The following PCCA variants were observed in gnomAD, a reference collection of about 807,000 sequenced individuals.
PCCA encodes the protein propionyl-CoA carboxylase subunit alpha.
In PCCA, 74 loss-of-function variants were observed where a neutral mutation model predicts 101.3. That is an observed-to-expected ratio of 0.73 (90% CI 0.61 to 0.89). PCCA has a LOEUF of 0.89. Among genes scored for constraint, PCCA ranks in the 40% least tolerant of loss-of-function variants. PCCA has a pLI of 0.00. For synonymous variants in PCCA, 294 were observed against 313.6 expected (o/e 0.94, Z 0.66); for missense variants, 891 against 907.0 (o/e 0.98, Z 0.23).
At chr13:100,354,114 AATAAT>A (rs1346488195) in intron 18 of PCCA, among the ~76,000 whole-genome samples, 12 of 142,486 alleles carry the variant, frequency 8.4e-5, no homozygotes, top group Non-Finnish European at 1.2e-4. Flanking sequence ...TAATAATAAT[AATAAT>A]AAAATAATTC....
At chr13:100,285,563 A>T (rs1374274858) in intron 12 of PCCA, among the ~76,000 whole-genome samples, 1 of 152,156 alleles carries the variant, frequency 6.6e-6, no homozygotes, top group Non-Finnish European at 1.5e-5. Context: ...CACTGTCTGG[A>T]CTACTCATGA....
At chr13:100,171,646 C>T (rs979591864) in intron 6 of PCCA, among the ~76,000 whole-genome samples, 15 of 152,178 alleles carry the variant, frequency 9.9e-5, no homozygotes, top group Admixed American at 6.5e-4. Context: ...CCTAGCAGTT[C>T]GGGAGGCTGA....
At chr13:100,115,315 C>G (rs2048703245) in intron 4 of PCCA, among the ~76,000 whole-genome samples, 1 of 151,956 alleles carries the variant, frequency 6.6e-6, no homozygotes, top group South Asian at 2.1e-4. Context: ...TTAATGAGTA[C>G]AAGAATATAG....
At chr13:100,422,135 C>CTTTCTTTTCTTTCTTTCTTTCT (rs2078864059) in intron 19 of PCCA, among the ~76,000 whole-genome samples, 2 of 68,782 alleles carry the variant, frequency 2.9e-5, no homozygotes, top group South Asian at 8.2e-4. Context: ...TTCTTTCTTT[C>CTTTCTTTTCTTTCTTTCTTTCT]TTTTTTTTTT....
At chr13:100,388,715 A>T (rs964254747) in intron 19 of PCCA, among the ~76,000 whole-genome samples, 1 of 152,138 alleles carries the variant, frequency 6.6e-6, no homozygotes, top group African/African-American at 2.4e-5. Context: ...GAATCGTTTG[A>T]ACCTGGGAGG....
chr13:100,298,634 CCCTCCCTCCCT>C lies in PCCA; in HGVS notation c.1066-2823_1066-2813del, dbSNP rs1566890355. ...CCCTCCCTCCCTCCCTCCCTCCCCT[CCCTCCCTCCCT>C]CCCTCCCTCCCTCCCTCCCTCCCTC... On this transcript the variant is annotated intron_variant, in intron 12 of 23. Coordinates refer to ENST00000376285, the MANE Select transcript of PCCA (RefSeq NM_000282.4). 4.4e-3 allele frequency among the ~76,000 whole-genome samples: 23 copies of C among 5,210 alleles called. 6 individuals are homozygous for C. The highest frequency in any genetic ancestry group is 0.013 in the African/African-American group (12 of 918). The allele number at this position is 5,210 out of a possible 152,430, so 3.4% of individuals were successfully genotyped here. A position where few individuals can be genotyped will look rare whatever the true frequency, so the allele number is the denominator to read the frequency against.
intron 4 of PCCA, among the ~76,000 whole-genome samples, chr13:100,138,372 T>A (rs1464064772): frequency 6.6e-6 from 1 of 152,230 alleles, no homozygotes; most frequent in Non-Finnish European, 1.5e-5. Context: ...AGTCTTACCA[T>A]CATGCAGGTA....
At chr13:100,256,529 A>C (rs568073090) in intron 8 of PCCA, among the ~76,000 whole-genome samples, 1 of 152,314 alleles carries the variant, frequency 6.6e-6, no homozygotes, top group East Asian at 1.9e-4. Context: ...GAACAGAAAA[A>C]AATTTTAATT....
chr13:100,408,277 C>G (rs546191810), intron 19 of PCCA, among the ~76,000 whole-genome samples: 9 of 152,296 alleles, frequency 5.9e-5, no homozygotes, highest in African/African-American at 2.2e-4. Context: ...GTGAAGCCAG[C>G]AAGTCAAATA....
chr13:100,414,356 G>A (rs1315912807), intron 19 of PCCA, among the ~76,000 whole-genome samples: 1 of 152,162 alleles, frequency 6.6e-6, no homozygotes, highest in Non-Finnish European at 1.5e-5. Context: ...GGTCACTAGA[G>A]GTATGATAGC....
chr13:100,502,534 A>T (rs1354914202), intron 21 of PCCA, among the ~76,000 whole-genome samples: 3 of 152,230 alleles, frequency 2.0e-5, no homozygotes, highest in Non-Finnish European at 2.9e-5. Context: ...TAAGAGGGTT[A>T]GGTAGGCCTT....
At chr13:100,220,116 G>C (rs888030665) in intron 7 of PCCA, among the ~76,000 whole-genome samples, 1 of 152,148 alleles carries the variant, frequency 6.6e-6, no homozygotes, top group Non-Finnish European at 1.5e-5. Context: ...GCTAACTGAA[G>C]GTAGTAAGAG....
Position 100,093,798 on chromosome 13 carries a change from G to A in PCCA, c.105+4573G>A, listed in dbSNP as rs1166745044. Among the ~76,000 whole-genome samples, 5 of 152,152 alleles carry A rather than the reference G, an allele frequency of 3.3e-5. No homozygotes were observed. The East Asian group carries it at 9.6e-4, about 29-fold the overall frequency. On this transcript the variant is annotated intron_variant, in intron 1 of 23. Coordinates refer to ENST00000376285, the MANE Select transcript of PCCA (RefSeq NM_000282.4). The stretch of plus-strand genomic sequence containing the variant: ...ATAAAATAAAATAAAAATTAGCTGG[G>A]TGTGGTGGCACGTGCCTGTGGTTCT...
Position 100,307,240 on chromosome 13 carries a change from T to C in PCCA, c.1333T>C (p.Tyr445His). ...IQPGSDISIY[Y>H]DPMISKLITY... ...ACCAGGAAGTGATATTAGCATTTAT[T>C]ATGATCCTATGATTTCAAAAGTTAG... Residue 445 changes from tyrosine (Y) to histidine (H), a missense_variant, in exon 15 of 24, where the codon TAT (tyrosine) becomes CAT (histidine). Tyr to His is a moderately conservative substitution (Grantham distance 83). Coordinates refer to ENST00000376285, the MANE Select transcript of PCCA (RefSeq NM_000282.4). 1 of 1,602,616 alleles carries C rather than the reference T, an allele frequency of 6.2e-7. No individual in the cohort carries two copies. The highest frequency in any genetic ancestry group is 2.2e-5 in the East Asian group (1 of 44,800).
chr13:100,205,538 CT>C (rs3034652), intron 6 of PCCA, among the ~76,000 whole-genome samples: 19 of 112,106 alleles, frequency 1.7e-4, no homozygotes, highest in African/African-American at 2.8e-4. Flanking sequence ...TTGATATAAG[CT>C]TTTTTTTTTT....
chr13:100,102,513 A>G (rs1023508201), intron 1 of PCCA, among the ~76,000 whole-genome samples: 1 of 152,222 alleles, frequency 6.6e-6, no homozygotes, highest in Non-Finnish European at 1.5e-5. Flanking sequence ...CCACTGTTAA[A>G]TTTGAAGCTC....
intron 12 of PCCA, among the ~76,000 whole-genome samples, chr13:100,300,558 G>GA (rs1481081767): frequency 6.6e-6 from 1 of 152,044 alleles, no homozygotes; most frequent in Non-Finnish European, 1.5e-5. Context: ...ATTTTTATGA[G>GA]AAAAAAATGA....
At chr13:100,273,640 G>GA (rs1288551023) in intron 12 of PCCA, among the ~76,000 whole-genome samples, 1 of 152,130 alleles carries the variant, frequency 6.6e-6, no homozygotes, top group Non-Finnish European at 1.5e-5. Flanking sequence ...GTGCTGTTAA[G>GA]AAAAATTACT....
At chr13:100,093,224 A>G (rs7986115) in intron 1 of PCCA, among the ~76,000 whole-genome samples, 64,533 of 151,990 alleles carry the variant, frequency 0.42, 14,206 homozygotes, top group East Asian at 0.69. Context: ...GGTGCTGGGT[A>G]TCAGTGGCTG....
Sources: gnomAD v4.1 joint callset for allele counts (sites outside exome capture counted in the v4.1 genomes callset) on GRCh38, gnomAD v4.1.1 for gene constraint, MANE v1.5 for transcripts, NCBI Gene and HGNC (gene_info 2026-07-23, HGNC 2026-07-21) for gene names.